Variants in ANKRD50 observed in about 807,000 individuals in gnomAD.
The protein encoded by ANKRD50 is ankyrin repeat domain 50.
ANKRD50 carries 40 observed loss-of-function variants against 112.0 expected under a neutral mutation model. That is an observed-to-expected ratio of 0.36 (90% confidence interval 0.28 to 0.46). The LOEUF (loss-of-function observed/expected upper bound fraction) is 0.46. Among genes scored for constraint, ANKRD50 ranks in the 20% least tolerant of loss-of-function variants. The pLI, the probability that ANKRD50 is intolerant of heterozygous loss-of-function variation, is 1.00. For missense variants in ANKRD50, 1,487 were observed against 1,701.7 expected, an observed-to-expected ratio of 0.87 and a Z score of 2.22; for synonymous variants, 613 against 619.1, an observed-to-expected ratio of 0.99 and a Z score of 0.15.
chr4:124,699,209 T>C (rs1341981888), intron 2 of ANKRD50, among the ~76,000 whole-genome samples: 1 of 151,910 alleles, frequency 6.6e-6, no homozygotes, highest in African/African-American at 2.4e-5. Flanking sequence ...GTGGATTGTT[T>C]GTTCTTTAAA....
chr4:124,692,051 A>G (rs1411394592), intron 2 of ANKRD50, among the ~76,000 whole-genome samples: 1 of 152,228 alleles, frequency 6.6e-6, no homozygotes, highest in African/African-American at 2.4e-5. Context: ...CCAAGGGAAA[A>G]ATAAAAAATT....
At chr4:124,700,715 A>C (rs1725370157) in intron 2 of ANKRD50, among the ~76,000 whole-genome samples, 1 of 152,232 alleles carries the variant, frequency 6.6e-6, no homozygotes, top group African/African-American at 2.4e-5. Context: ...TAAAGTAACA[A>C]GCATTTTAGC....
rs553953140 is a variant in ANKRD50 at position 124,671,870 on chromosome 4, C to T, written c.1407G>A (p.Ala469=). The change falls in exon 4 of 5, where the codon GCG becomes GCA. Residue 469 remains alanine, a synonymous_variant. Transcript: ENST00000504087. ...LINSNLQLET[A]ELALWMIWNG... ...TCCATATCATCCACAGAGCTAACTC[C>T]GCTGTCTCTAATTGTAAGTTTGAGT... The T allele has an allele frequency of 2.0e-5, 33 of 1,613,658 alleles. No homozygotes were observed. In the Admixed American group the frequency reaches 3.2e-4, roughly 15 times the overall value.
intron 2 of ANKRD50, among the ~76,000 whole-genome samples, chr4:124,705,582 T>C (rs1337116144): frequency 6.6e-6 from 1 of 152,150 alleles, no homozygotes; most frequent in Non-Finnish European, 1.5e-5. Context: ...CTTTTAAATC[T>C]CCAAAACGAT....
In ANKRD50 at chr4:124,671,946, G is replaced by C. The variant is rs761286454; in HGVS notation, c.1331C>G (p.Ala444Gly). ...RMLAMSYTCQ[A>G]KNLTPLEAQE... is the part of the protein sequence containing the mutation. ...TGCTTCCAATGGTGTTAAATTCTTG[G>C]CTTGACAGGTATAACTCATAGCCAA... Residue 444 changes from alanine (A) to glycine (G), a missense_variant, in exon 4 of 5, where the codon GCC (alanine) becomes GGC (glycine). Coordinates refer to ENST00000504087, the MANE Select transcript of ANKRD50 (RefSeq NM_020337.3). 4 of 1,613,788 alleles carry C rather than the reference G, an allele frequency of 2.5e-6. No homozygotes were observed. The highest frequency in any genetic ancestry group is 2.2e-5 in the South Asian group (2 of 91,070).
intron 4 of ANKRD50, among the ~76,000 whole-genome samples, chr4:124,668,593 C>A (rs1730550776): frequency 6.6e-6 from 1 of 151,966 alleles, no homozygotes; most frequent in South Asian, 2.1e-4. Flanking sequence ...TTCATTCATT[C>A]ATTAGTTCAT....
At position 124,672,462 on chromosome 4, in the gene ANKRD50, T is replaced by C. The variant is rs564882037; in HGVS notation, c.815A>G (p.His272Arg). 3.7e-6 allele frequency: 6 copies of C among 1,611,998 alleles called. No individual in the cohort carries two copies. Among genetic ancestry groups the C allele is most frequent in the Non-Finnish European group, 5.1e-6 (6 of 1,179,196 alleles). Reference sequence around the variant, plus strand: ...CAAAGCTTCTTCTTGATCTAAACGATGAAGAATGTACTGCTGAACATCCTT... The same window carrying C: ...CAAAGCTTCTTCTTGATCTAAACGACGAAGAATGTACTGCTGAACATCCTT... ...IVKDVQQYILHRLDQEEALRQ... is the reference protein window; with the variant it reads ...IVKDVQQYILRRLDQEEALRQ... Residue 272 changes from histidine (H) to arginine (R), a missense_variant, in exon 4 of 5, where the codon CAT (histidine) becomes CGT (arginine). By Grantham distance (29) the His-to-Arg change is conservative. This residue lies in a region of ANKRD50 where 1,046 missense variants were observed against 1,269.5 expected (regional missense o/e 0.82). Coordinates refer to ENST00000504087, the MANE Select transcript of ANKRD50 (RefSeq NM_020337.3).
At chr4:124,673,248 G>A (rs1377702996) in intron 3 of ANKRD50, among the ~76,000 whole-genome samples, 5 of 152,014 alleles carry the variant, frequency 3.3e-5, no homozygotes, top group African/African-American at 1.2e-4. Context: ...TTTAAAGGAA[G>A]CCATAATTTC....
rs1730488377 is a variant in ANKRD50 at position 124,666,291 on chromosome 4, C to T, written c.*1227G>A. 6.6e-6 allele frequency: 1 copy of T among 152,390 alleles called. No homozygotes were observed. Among genetic ancestry groups the T allele is most frequent in the African/African-American group, 2.4e-5 (1 of 41,400 alleles). The allele number at this position is 152,390 out of a possible 1,614,324, so 9.4% of individuals were successfully genotyped here. On this transcript the variant is annotated 3_prime_UTR_variant, in exon 5 of 5. Coordinates refer to ENST00000504087, the MANE Select transcript of ANKRD50 (RefSeq NM_020337.3). ...TTCTCTCTTAACCCTGGCATCCAGC[C>T]CTCCTGCATGCAATTGTACAAAGAA...
chr4:124,701,669 T>C (rs1421723574), intron 2 of ANKRD50, among the ~76,000 whole-genome samples: 1 of 152,068 alleles, frequency 6.6e-6, no homozygotes, highest in Non-Finnish European at 1.5e-5. Flanking sequence ...GGCAACCAAC[T>C]GGAACACACT....
rs1730504510 is a variant in ANKRD50 at position 124,666,888 on chromosome 4, A to G, written c.*630T>C. 1 of 152,344 alleles carries G rather than the reference A, an allele frequency of 6.6e-6. No homozygotes were observed. Among genetic ancestry groups the G allele is most frequent in the Non-Finnish European group, 1.5e-5 (1 of 67,956 alleles). The allele number at this position is 152,344 out of a possible 1,614,324, so 9.4% of individuals were successfully genotyped here. A position where few individuals can be genotyped will look rare whatever the true frequency, so the allele number is the denominator to read the frequency against. On this transcript the variant is annotated 3_prime_UTR_variant, in exon 5 of 5. Transcript: ENST00000504087. Reference sequence around the variant, plus strand: ...GGAAAATCCAGATTTAAACTACTTAAAGCAGCTCCCTAAACTACTATAAAA... The same window carrying G: ...GGAAAATCCAGATTTAAACTACTTAGAGCAGCTCCCTAAACTACTATAAAA...
intron 2 of ANKRD50, among the ~76,000 whole-genome samples, chr4:124,684,947 G>C (rs1281864458): frequency 6.6e-6 from 1 of 152,060 alleles, no homozygotes; most frequent in Non-Finnish European, 1.5e-5. Flanking sequence ...TACCAAGAAA[G>C]CTCCCTCGCC....
rs1730432510 is a variant in ANKRD50, at chr4:124,664,118, A to G, written c.*3400T>C. ...ACCATGTTTGCAATAAACTCCCAAA[A>G]TATCCGCCATAAGATGGCCATAATA... On this transcript the variant is annotated 3_prime_UTR_variant, in exon 5 of 5. Coordinates refer to ENST00000504087, the MANE Select transcript of ANKRD50 (RefSeq NM_020337.3). 3 of 152,176 alleles carry G rather than the reference A, an allele frequency of 2.0e-5. No homozygotes were observed. Among genetic ancestry groups the G allele is most frequent in the South Asian group, 4.1e-4 (2 of 4,822 alleles). 9.4% of individuals were successfully genotyped at this position (152,176 alleles called of 1,614,324 possible).
chr4:124,671,599 C>T lies in ANKRD50; in HGVS notation c.1678G>A (p.Val560Ile), dbSNP rs1216634810. The change falls in exon 4 of 5, where the codon GTA becomes ATA. Residue 560 changes from valine (V) to isoleucine (I), a missense_variant. Physicochemically the swap from Val to Ile is conservative, Grantham distance 29. This residue lies in a region of ANKRD50 where 1,046 missense variants were observed against 1,269.5 expected (regional missense o/e 0.82). Coordinates refer to ENST00000504087, the MANE Select transcript of ANKRD50 (RefSeq NM_020337.3). ...ANAAYSGSLD[V>I]VNLLVSRGAD... ...CCCCTAGAGACAAGTAAATTGACTACATCAAGACTGCCACTATATGCAGCA... is the reference window on the plus strand; with the variant it reads ...CCCCTAGAGACAAGTAAATTGACTATATCAAGACTGCCACTATATGCAGCA... 2 of 1,613,870 alleles carry T rather than the reference C, an allele frequency of 1.2e-6. No homozygotes were observed. Among genetic ancestry groups the T allele is most frequent in the Non-Finnish European group, 1.7e-6 (2 of 1,179,876 alleles).
chr4:124,678,517 G>T (rs1401452785), intron 3 of ANKRD50, among the ~76,000 whole-genome samples, 159 bp downstream of exon 3: 3 of 152,070 alleles, frequency 2.0e-5, no homozygotes, highest in Non-Finnish European at 4.4e-5. Flanking sequence ...TTAAAAACAT[G>T]CTAAGGCTTT....
intron 3 of ANKRD50, among the ~76,000 whole-genome samples, chr4:124,675,057 A>C (rs1396143237): frequency 6.6e-6 from 1 of 151,778 alleles, no homozygotes; most frequent in Non-Finnish European, 1.5e-5. Flanking sequence ...AAAATAATCA[A>C]AACTTCTAGG....
At chr4:124,678,977 T>A in intron 2 of ANKRD50, 72 bp from the exon 3 acceptor site, 1 of 1,094,772 alleles carries the variant, frequency 9.1e-7, no homozygotes, top group South Asian at 1.6e-5. Flanking sequence ...ATTCAAACAT[T>A]AGAGTATTAA....
At chr4:124,708,709 C>A (rs1245036843) in intron 2 of ANKRD50, among the ~76,000 whole-genome samples, 2 of 151,376 alleles carry the variant, frequency 1.3e-5, no homozygotes, top group East Asian at 3.9e-4. Context: ...CACACACACA[C>A]ACACACACAC....
Position 124,671,149 on chromosome 4 carries a change from C to T in ANKRD50, c.2128G>A (p.Gly710Ser), listed in dbSNP as rs1174010390. The change falls in exon 4 of 5, where the codon GGC becomes AGC. Residue 710 changes from glycine (G) to serine (S), a missense_variant. Around this residue, in one of 2 missense-constraint regions of ANKRD50, gnomAD observed 1,046 missense variants for 1,269.5 expected, o/e 0.82. Transcript: ENST00000504087. ...GAEVNHEDVD[G>S]RTALSVAALC... ...GCAGCTACAGAGAGTGCAGTCCTGC[C>T]ATCAACATCCTCATGATTTACTTCT... 6.2e-7 allele frequency: 1 copy of T among 1,613,744 alleles called. No individual in the cohort carries two copies. The highest frequency in any genetic ancestry group is 8.5e-7 in the Non-Finnish European group (1 of 1,179,868).
Sources: allele counts gnomAD v4.1 joint callset (sites outside exome capture counted in the v4.1 genomes callset), GRCh38; gene constraint gnomAD v4.1.1; regional missense constraint gnomAD v4.1.1; transcripts MANE v1.5; gene names NCBI Gene and HGNC (gene_info 2026-07-23, HGNC 2026-07-21).